AKAP6: variants seen among roughly 807,000 people sequenced by gnomAD.
AKAP6 encodes the protein A-kinase anchoring protein 6.
Under a neutral mutation model 188.5 loss-of-function variants are expected in AKAP6, and 58 were observed. The observed-to-expected ratio is 0.31, with a 90% CI of 0.25 to 0.38. The LOEUF (loss-of-function observed/expected upper bound fraction) is 0.38, where lower values mean the gene tolerates loss of function less well. Ranked by LOEUF, AKAP6 falls within the 10% of genes least tolerant of loss-of-function variation. AKAP6 has a pLI of 1.00. For synonymous variants in AKAP6, 989 were observed against 998.6 expected (o/e 0.99, Z 0.18); for missense variants, 2,710 against 2,740.0 (o/e 0.99, Z 0.24).
chr14:32,537,851 G>A (rs1882755958), intron 3 of AKAP6, among the ~76,000 whole-genome samples: 1 of 152,178 alleles, frequency 6.6e-6, no homozygotes, highest in Non-Finnish European at 1.5e-5. Context: ...AAATGATGAA[G>A]AGCCATGGAC....
intron 1 of AKAP6, among the ~76,000 whole-genome samples, chr14:32,339,517 AG>A (rs2138409687): frequency 6.6e-6 from 1 of 152,274 alleles, no homozygotes; most frequent in South Asian, 2.1e-4. Flanking sequence ...GTCATTTGAA[AG>A]ATACATTGAT....
intron 1 of AKAP6, among the ~76,000 whole-genome samples, chr14:32,417,000 C>T (rs951655668): frequency 1.3e-5 from 2 of 152,092 alleles, no homozygotes; most frequent in African/African-American, 4.8e-5. Flanking sequence ...GCCACTGCAA[C>T]CAGATAATTT....
rs143966716 is a variant in AKAP6 at position 32,440,733 on chromosome 14, C to T, written c.324+6916C>T. On this transcript the variant is annotated intron_variant, in intron 2 of 13. Coordinates refer to ENST00000280979, the MANE Select transcript of AKAP6 (RefSeq NM_004274.5). ...CACGAAATACCCATCAAATCAGCAA[C>T]CCCAAAAGCATATCCCAAATCTCTG... Among the ~76,000 whole-genome samples the T allele has an allele frequency of 3.2e-3, 493 of 152,206 alleles. 3 individuals are homozygous for T. Among genetic ancestry groups the T allele is most frequent in the Non-Finnish European group, 5.4e-3 (366 of 68,012 alleles).
chr14:32,343,474 C>T (rs112421317), intron 1 of AKAP6, among the ~76,000 whole-genome samples: 11 of 152,058 alleles, frequency 7.2e-5, no homozygotes, highest in African/African-American at 2.2e-4. Flanking sequence ...TGCCCTGCTT[C>T]CTCCTTAAAT....
intron 1 of AKAP6, among the ~76,000 whole-genome samples, chr14:32,423,470 T>C (rs1025828685): frequency 1.3e-5 from 2 of 152,156 alleles, no homozygotes; most frequent in African/African-American, 4.8e-5. Flanking sequence ...TGAGCCACCA[T>C]GCCTAGCCAT....
At chr14:32,710,894 G>C (rs781446705) in intron 9 of AKAP6, among the ~76,000 whole-genome samples, 1 of 152,078 alleles carries the variant, frequency 6.6e-6, no homozygotes, top group Non-Finnish European at 1.5e-5. Flanking sequence ...TTAAAAGAAA[G>C]TTTTGTTGGA....
At chr14:32,717,316 G>A (rs766570756) in intron 9 of AKAP6, among the ~76,000 whole-genome samples, 13 of 152,054 alleles carry the variant, frequency 8.5e-5, no homozygotes, top group Non-Finnish European at 7.4e-5. Flanking sequence ...TATGCAAAAT[G>A]TTTAAGTCAT....
intron 8 of AKAP6, among the ~76,000 whole-genome samples, chr14:32,681,328 T>C (rs895637699): frequency 6.6e-6 from 1 of 151,938 alleles, no homozygotes; most frequent in African/African-American, 2.4e-5. Context: ...TTAAAAACCA[T>C]GTCTTTTCTT....
intron 12 of AKAP6, among the ~76,000 whole-genome samples, chr14:32,802,539 A>G (rs1483813387): frequency 6.6e-6 from 1 of 152,234 alleles, no homozygotes; most frequent in African/African-American, 2.4e-5. Flanking sequence ...GACAAATTTC[A>G]GTGTTAGAGA....
intron 1 of AKAP6, among the ~76,000 whole-genome samples, chr14:32,425,806 A>G (rs1012044291): frequency 2.6e-5 from 4 of 151,940 alleles, no homozygotes; most frequent in African/African-American, 9.7e-5. Flanking sequence ...CTGTCCATTT[A>G]CTCTGTTAAT....
intron 7 of AKAP6, among the ~76,000 whole-genome samples, chr14:32,672,181 T>A (rs1889228305): frequency 6.6e-6 from 1 of 152,210 alleles, no homozygotes; most frequent in South Asian, 2.1e-4. Flanking sequence ...TTATTAAGTA[T>A]TAATTTGTAG....
chr14:32,346,669 T>C (rs9322892), intron 1 of AKAP6, among the ~76,000 whole-genome samples: 27,254 of 152,086 alleles, frequency 0.18, 2,587 homozygotes, highest in East Asian at 0.4. Flanking sequence ...CCACCGCGCC[T>C]GGCTAATTTT....
chr14:32,802,845 T>C (rs1438098398), intron 12 of AKAP6, among the ~76,000 whole-genome samples: 2 of 152,192 alleles, frequency 1.3e-5, no homozygotes, highest in Non-Finnish European at 2.9e-5. Context: ...CACCTGTAAT[T>C]CCAGCACTTT....
chr14:32,813,384 ACCCTACCCCCCCC>A (rs2034290087), intron 12 of AKAP6, among the ~76,000 whole-genome samples: 1 of 95,480 alleles, frequency 1.0e-5, no homozygotes, highest in Admixed American at 1.2e-4. Flanking sequence ...TTCATCTCTA[ACCCTACCCCCCCC>A]CCCAACCCCT....
chr14:32,777,830 G>A (rs2033114518), intron 12 of AKAP6, among the ~76,000 whole-genome samples: 1 of 152,116 alleles, frequency 6.6e-6, no homozygotes, highest in African/African-American at 2.4e-5. Flanking sequence ...TTGAGGCCAG[G>A]AGTTCAAGAC....
At chr14:32,745,799 C>T (rs930129731) in intron 11 of AKAP6, among the ~76,000 whole-genome samples, 1 of 152,154 alleles carries the variant, frequency 6.6e-6, no homozygotes, top group African/African-American at 2.4e-5. Flanking sequence ...GAGGTGCCTT[C>T]CAGGAGTCAG....
intron 9 of AKAP6, among the ~76,000 whole-genome samples, chr14:32,698,991 C>G (rs1362734643): frequency 2.6e-5 from 4 of 152,116 alleles, no homozygotes; most frequent in Admixed American, 6.5e-5. Flanking sequence ...TATTTCATCA[C>G]TCAACCCCTT....
Position 32,433,778 on chromosome 14 carries a change from G to A in AKAP6, c.285G>A (p.Ser95=), listed in dbSNP as rs762202809. 61 of 1,613,898 alleles carry A rather than the reference G, an allele frequency of 3.8e-5. No individual in the cohort carries two copies. The East Asian group carries it at 6.2e-4, about 17-fold the overall frequency. Residue 95 remains serine (S), a synonymous_variant, in exon 2 of 14, where the codon TCG becomes TCA. Transcript: ENST00000280979. ...RDLTYSVQQD[S]DSKHVDVHLV... ...TAACCTATTCAGTCCAGCAGGATTC[G>A]GACAGCAAGCATGTGGATGTACATC...
chr14:32,574,032 A>G (rs1352509127), intron 4 of AKAP6, among the ~76,000 whole-genome samples: 1 of 152,134 alleles, frequency 6.6e-6, no homozygotes, highest in Non-Finnish European at 1.5e-5. Flanking sequence ...TCATGAATTG[A>G]ATGGACCCCA....
Sources: gnomAD v4.1 joint callset for allele counts (sites outside exome capture counted in the v4.1 genomes callset) on GRCh38, gnomAD v4.1.1 for gene constraint, MANE v1.5 for transcripts, NCBI Gene and HGNC (gene_info 2026-07-23, HGNC 2026-07-21) for gene names.